Variants in USP6NL observed in about 807,000 individuals in gnomAD.
The protein encoded by USP6NL is USP6 N-terminal-like protein.
A neutral mutation model predicts 61.9 loss-of-function variants in USP6NL; 26 were observed. The observed-to-expected ratio is 0.42, with a 90% CI of 0.31 to 0.58. The LOEUF is 0.58. USP6NL is among the 20% of genes least tolerant of loss of function. The pLI is 0.16. For synonymous variants in USP6NL, 432 were observed against 390.1 expected (o/e 1.11, Z -1.27); for missense variants, 1,114 against 1,034.3 (o/e 1.08, Z -1.06).
At chr10:11,582,878 G>A (rs1451387472) in intron 2 of USP6NL, among the ~76,000 whole-genome samples, 1 of 150,592 alleles carries the variant, frequency 6.6e-6, no homozygotes, top group Non-Finnish European at 1.5e-5. Flanking sequence ...TGACTGTACA[G>A]AGTGTATTCT....
intron 2 of USP6NL, among the ~76,000 whole-genome samples, chr10:11,530,071 C>G (rs1835587123): frequency 7.2e-6 from 1 of 138,052 alleles, no homozygotes; most frequent in Admixed American, 7.8e-5. Context: ...CACTGCACTC[C>G]AGCCTGGGTG....
intron 5 of USP6NL, among the ~76,000 whole-genome samples, chr10:11,516,836 T>C (rs1198645324): frequency 6.6e-6 from 1 of 152,246 alleles, no homozygotes; most frequent in African/African-American, 2.4e-5. Context: ...AGAGGTCATT[T>C]ACTATATAGG....
rs763156980 is a variant in USP6NL, at chr10:11,489,108, T to C, written c.658A>G (p.Met220Val). The C allele has an allele frequency of 2.5e-6, 4 of 1,613,858 alleles. No homozygotes were observed. Among genetic ancestry groups the C allele is most frequent in the African/African-American group, 1.3e-5 (1 of 75,044 alleles). The change falls in exon 10 of 15, where the codon ATG becomes GTG. Residue 220 changes from methionine (M) to valine (V), a missense_variant. Met to Val is a conservative substitution (Grantham distance 21, BLOSUM62 1). Transcript: ENST00000609104. The surrounding 1 kb of genome is among the most constrained non-coding windows in gnomAD (Gnocchi z 5.7). ...AAGCACAGGGTTTTCTTACCATGCA[T>C]GGCATGTTTAGGGCCTGAGAAGAGT... ...VKLFSGPKHAMHGFFVQGFPK... is the reference protein window; with the variant it reads ...VKLFSGPKHAVHGFFVQGFPK...
chr10:11,481,217 A>C lies in USP6NL; in HGVS notation c.1078+553T>G, dbSNP rs1193606971. Reference sequence around the variant, plus strand: ...AGGTGCTGAAAAATGTCTTACAATAAGTGAATAAAATATATTATCTATACT... The same window carrying C: ...AGGTGCTGAAAAATGTCTTACAATACGTGAATAAAATATATTATCTATACT... On this transcript the variant is annotated intron_variant, in intron 14 of 14. Coordinates refer to ENST00000609104, the MANE Select transcript of USP6NL (RefSeq NM_014688.5). The surrounding 1 kb of genome is among the most constrained non-coding windows in gnomAD (Gnocchi z 4.4). 6.6e-6 allele frequency among the ~76,000 whole-genome samples: 1 copy of C among 152,198 alleles called. No individual in the cohort carries two copies. Among genetic ancestry groups the C allele is most frequent in the African/African-American group, 2.4e-5 (1 of 41,450 alleles).
intron 2 of USP6NL, among the ~76,000 whole-genome samples, chr10:11,557,342 T>C (rs780300906): frequency 5.9e-5 from 9 of 152,212 alleles, no homozygotes; most frequent in Non-Finnish European, 1.0e-4. Flanking sequence ...AGGAGGCAAG[T>C]ACAATACCCA....
rs189181741 is a variant in USP6NL at position 11,600,740 on chromosome 10, C to A, written c.-83-3023G>T. 0.017 allele frequency among the ~76,000 whole-genome samples: 2,541 copies of A among 152,130 alleles called. 75 individuals carry two copies. The highest frequency in any genetic ancestry group is 0.057 in the African/African-American group (2,370 of 41,510). On this transcript the variant is annotated intron_variant, in intron 1 of 14. Coordinates refer to ENST00000609104, the MANE Select transcript of USP6NL (RefSeq NM_014688.5). This position sits in a 1 kb window ranked among gnomAD's most constrained non-coding sequence, Gnocchi z 4.1. ...ATCCCAGCACTTTGGGAGGCCGAGGCGGGTGGATCACGAGGTCAGGAGTTC... is the reference window on the plus strand; with the variant it reads ...ATCCCAGCACTTTGGGAGGCCGAGGAGGGTGGATCACGAGGTCAGGAGTTC...
intron 2 of USP6NL, among the ~76,000 whole-genome samples, chr10:11,588,365 G>A (rs534654097): frequency 3.9e-5 from 6 of 152,280 alleles, no homozygotes; most frequent in African/African-American, 1.4e-4. Context: ...TTATTTTACC[G>A]TGGTTATGCA....
At chr10:11,583,678 C>A (rs1033195993) in intron 2 of USP6NL, among the ~76,000 whole-genome samples, 2 of 152,126 alleles carry the variant, frequency 1.3e-5, no homozygotes, top group African/African-American at 2.4e-5. Context: ...ATTCAACCAA[C>A]CTGGACCTAC....
In USP6NL at chr10:11,476,874, T is replaced by A. The variant is rs1339847264; in HGVS notation, c.1078+4896A>T. ...TAAATCAAGCATTTGACTTTTTTTA[T>A]TATTATTATTTTTTCAAGACGGAGT... On this transcript the variant is annotated intron_variant, in intron 14 of 14. Coordinates refer to ENST00000609104, the MANE Select transcript of USP6NL (RefSeq NM_014688.5). This position sits in a 1 kb window ranked among gnomAD's most constrained non-coding sequence, Gnocchi z 4.3. Among the ~76,000 whole-genome samples the A allele has an allele frequency of 6.7e-6, 1 of 150,074 alleles. No homozygotes were observed. The highest frequency in any genetic ancestry group is 1.5e-5 in the Non-Finnish European group (1 of 67,036).
chr10:11,593,999 A>G (rs748856957), intron 2 of USP6NL, among the ~76,000 whole-genome samples: 1 of 152,236 alleles, frequency 6.6e-6, no homozygotes, highest in Non-Finnish European at 1.5e-5. Context: ...TTGGGGGGGA[A>G]AAAAGCTAAG....
At chr10:11,531,870 G>A (rs1289432882) in intron 2 of USP6NL, among the ~76,000 whole-genome samples, 2 of 152,114 alleles carry the variant, frequency 1.3e-5, no homozygotes, top group Non-Finnish European at 2.9e-5. Context: ...AGAAGAAAAT[G>A]ACAACTCCAC....
Position 11,463,025 on chromosome 10 carries a change from G to C in USP6NL, c.1903C>G (p.Pro635Ala). 5 of 1,613,930 alleles carry C rather than the reference G, an allele frequency of 3.1e-6. No homozygotes were observed. The highest frequency in any genetic ancestry group is 4.2e-6 in the Non-Finnish European group (5 of 1,179,858). The change falls in exon 15 of 15, where the codon CCC (proline) becomes GCC (alanine). Residue 635 changes from proline to alanine, a missense_variant. Physicochemically the swap from Pro to Ala is conservative, Grantham distance 27. Coordinates refer to ENST00000609104, the MANE Select transcript of USP6NL (RefSeq NM_014688.5). The surrounding 1 kb of genome is among the most constrained non-coding windows in gnomAD (Gnocchi z 6.3). ...GLAHPPSYSN[P>A]PVYHGNSPKH... is the part of the protein sequence containing the mutation. ...GGAGAGTTTCCGTGGTAAACGGGGG[G>C]ATTGCTGTAGGAGGGGGGATGAGCT... is the stretch of plus-strand genomic sequence containing the variant.
At position 11,461,663 on chromosome 10, in the gene USP6NL, G is replaced by A. The variant is rs1037570997; in HGVS notation, c.*778C>T. Reference sequence around the variant, plus strand: ...CGCACTAAGACCAATCTCTTAGTATGTGGATGTGATAAGCACTGCTGCACC... The same window carrying A: ...CGCACTAAGACCAATCTCTTAGTATATGGATGTGATAAGCACTGCTGCACC... On this transcript the variant is annotated 3_prime_UTR_variant, in exon 15 of 15. Transcript: ENST00000609104. 2 of 152,254 alleles carry A rather than the reference G, an allele frequency of 1.3e-5. No individual in the cohort carries two copies. The highest frequency in any genetic ancestry group is 2.4e-5 in the African/African-American group (1 of 41,462). The allele number at this position is 152,254 out of a possible 1,614,324, so 9.4% of individuals were successfully genotyped here.
At chr10:11,572,817 T>C (rs1179795091) in intron 2 of USP6NL, among the ~76,000 whole-genome samples, 1 of 152,080 alleles carries the variant, frequency 6.6e-6, no homozygotes, top group African/African-American at 2.4e-5. Flanking sequence ...AAATTGCCAA[T>C]ATAATCAACT....
At chr10:11,494,980 CTAAACTCCCCCGGGGAAAGG>C (rs1156625414) in intron 7 of USP6NL, among the ~76,000 whole-genome samples, 2 of 152,166 alleles carry the variant, frequency 1.3e-5, no homozygotes, top group South Asian at 2.1e-4. Flanking sequence ...AGAGTCTTCT[CTAAACTCCCCCGGGGAAAGG>C]GAGACTCCCT....
In USP6NL at chr10:11,587,759, A is replaced by T. The variant is rs1488434522; in HGVS notation, c.4+9872T>A. 6.6e-6 allele frequency among the ~76,000 whole-genome samples: 1 copy of T among 152,216 alleles called. No homozygotes were observed. Among genetic ancestry groups the T allele is most frequent in the African/African-American group, 2.4e-5 (1 of 41,450 alleles). On this transcript the variant is annotated intron_variant, in intron 2 of 14. Transcript: ENST00000609104. This position sits in a 1 kb window ranked among gnomAD's most constrained non-coding sequence, Gnocchi z 4.5. ...ATAATTCAGAACAGGAATTCTACTA[A>T]AAGGGATCTCTCGATAAAAGCCAAA...
intron 2 of USP6NL, among the ~76,000 whole-genome samples, chr10:11,552,155 C>G (rs1369761839): frequency 6.6e-6 from 1 of 152,070 alleles, no homozygotes; most frequent in Non-Finnish European, 1.5e-5. Flanking sequence ...TGCTTAGAGG[C>G]GTGGCATACA....
At chr10:11,552,941 T>C (rs1181963237) in intron 2 of USP6NL, among the ~76,000 whole-genome samples, 2 of 152,196 alleles carry the variant, frequency 1.3e-5, no homozygotes, top group East Asian at 3.8e-4. Context: ...GAATAATGTA[T>C]CCAGCAGGTA....
intron 6 of USP6NL, among the ~76,000 whole-genome samples, chr10:11,502,789 G>A (rs1409334661): frequency 6.6e-6 from 1 of 152,164 alleles, no homozygotes; most frequent in African/African-American, 2.4e-5. Context: ...TTCAAATAAT[G>A]ACTTACAAAA....
Sources: gnomAD v4.1 joint callset for allele counts (sites outside exome capture counted in the v4.1 genomes callset) on GRCh38, gnomAD v4.1.1 for gene constraint, Gnocchi (gnomAD v3.1) non-coding constraint, MANE v1.5 for transcripts, NCBI Gene and HGNC (gene_info 2026-07-23, HGNC 2026-07-21) for gene names.